Variants in AKAIN1 observed in about 807,000 individuals in gnomAD.
The protein encoded by AKAIN1 is A-kinase anchor inhibitor 1.
AKAIN1 carries 3 observed loss-of-function variants against 3.7 expected under a neutral mutation model. The observed-to-expected ratio is 0.82, with a 90% confidence interval of 0.37 to 2.12. The LOEUF (loss-of-function observed/expected upper bound fraction) is 2.12, where lower values mean the gene tolerates loss of function less well. Among genes scored for constraint, AKAIN1 ranks in the 30% most tolerant of loss-of-function variants. AKAIN1 has a pLI of 0.06. For missense variants in AKAIN1, 82 were observed against 82.7 expected (o/e 0.99, Z 0.03); for synonymous variants, 31 against 30.8 (o/e 1.01, Z -0.02).
intron 1 of AKAIN1, among the ~76,000 whole-genome samples, chr18:5,178,869 G>A (rs2071241145): frequency 6.6e-6 from 1 of 152,106 alleles, no homozygotes; most frequent in Non-Finnish European, 1.5e-5. Context: ...GATAGTAATG[G>A]GGTGAGCTGG....
At chr18:5,154,970 A>G (rs541902516) in intron 1 of AKAIN1, among the ~76,000 whole-genome samples, 1 of 152,176 alleles carries the variant, frequency 6.6e-6, no homozygotes, top group Non-Finnish European at 1.5e-5. Flanking sequence ...TATTTTTTGT[A>G]GAGATAGTGT....
Position 5,145,251 on chromosome 18 carries a change from T to C in AKAIN1, c.*311A>G. ...GGAACGCATAAAAGGCAGAAGTAAATAAACGAGACATAGAATTCTTTTTTT... is the reference window on the plus strand; with the variant it reads ...GGAACGCATAAAAGGCAGAAGTAAACAAACGAGACATAGAATTCTTTTTTT... On this transcript the variant is annotated 3_prime_UTR_variant, in exon 2 of 2. Transcript: ENST00000434239. 1 of 230,122 alleles carries C rather than the reference T, an allele frequency of 4.3e-6. No homozygotes were observed. Among genetic ancestry groups the C allele is most frequent in the South Asian group, 1.1e-4 (1 of 8,784 alleles). The allele number at this position is 230,122 out of a possible 1,614,324, so 14.3% of individuals were successfully genotyped here. A position where few individuals can be genotyped will look rare whatever the true frequency, so the allele number is the denominator to read the frequency against.
At chr18:5,159,047 C>CTT (rs570120975) in intron 1 of AKAIN1, among the ~76,000 whole-genome samples, 1 of 149,024 alleles carries the variant, frequency 6.7e-6, no homozygotes, top group Non-Finnish European at 1.5e-5. Context: ...TTTATTATAT[C>CTT]TTTTTTTTTT....
chr18:5,179,871 T>G (rs1309090023), intron 1 of AKAIN1, among the ~76,000 whole-genome samples: 2 of 152,166 alleles, frequency 1.3e-5, no homozygotes, highest in Non-Finnish European at 2.9e-5. Flanking sequence ...ATAAGGTATA[T>G]TTACGTACCT....
intron 1 of AKAIN1, among the ~76,000 whole-genome samples, chr18:5,166,434 C>T (rs1382322298): frequency 6.6e-6 from 1 of 151,960 alleles, no homozygotes; most frequent in Admixed American, 6.6e-5. Context: ...TTTTATCCCT[C>T]TCCCATATAG....
At position 5,160,870 on chromosome 18, in the gene AKAIN1, G is replaced by C. The variant is rs190816439; in HGVS notation, c.17-15115C>G. 2.5e-3 allele frequency among the ~76,000 whole-genome samples: 372 copies of C among 150,698 alleles called. 3 individuals are homozygous for C. The highest frequency in any genetic ancestry group is 8.6e-3 in the African/African-American group (356 of 41,394). On this transcript the variant is annotated intron_variant, in intron 1 of 1. Transcript: ENST00000434239. Reference sequence around the variant, plus strand: ...TTATAAACCAAGTATCCATATATGTGGTGGGCTGTTTTTAAATTATTTATT... The same window carrying C: ...TTATAAACCAAGTATCCATATATGTCGTGGGCTGTTTTTAAATTATTTATT...
chr18:5,168,917 A>C (rs1046374941), intron 1 of AKAIN1, among the ~76,000 whole-genome samples: 1 of 151,458 alleles, frequency 6.6e-6, no homozygotes, highest in Non-Finnish European at 1.5e-5. Flanking sequence ...GGGATGGGGG[A>C]GCTACATAAG....
chr18:5,196,748 C>G (rs566868280), intron 1 of AKAIN1, among the ~76,000 whole-genome samples: 1 of 152,098 alleles, frequency 6.6e-6, no homozygotes, highest in Non-Finnish European at 1.5e-5. Flanking sequence ...GCGAAAGTCC[C>G]AGTTCTTAAG....
At chr18:5,161,621 T>C in intron 1 of AKAIN1, among the ~76,000 whole-genome samples, 1 of 152,124 alleles carries the variant, frequency 6.6e-6, no homozygotes, top group East Asian at 1.9e-4. Context: ...GAGGAAAAGA[T>C]TTTGCTATCC....
chr18:5,195,020 C>G (rs1261173614), intron 1 of AKAIN1, among the ~76,000 whole-genome samples: 1 of 152,134 alleles, frequency 6.6e-6, no homozygotes, highest in Non-Finnish European at 1.5e-5. Context: ...ATACACATCA[C>G]TATACGAATT....
chr18:5,184,023 C>CA (rs1391559458), intron 1 of AKAIN1, among the ~76,000 whole-genome samples: 2 of 151,908 alleles, frequency 1.3e-5, no homozygotes, highest in African/African-American at 4.8e-5. Context: ...AAATCACTAA[C>CA]AAAAAACACC....
At chr18:5,179,490 T>G (rs2071245121) in intron 1 of AKAIN1, among the ~76,000 whole-genome samples, 1 of 152,142 alleles carries the variant, frequency 6.6e-6, no homozygotes, top group Non-Finnish European at 1.5e-5. Context: ...CTTAGGTTGA[T>G]TCCATATCTT....
intron 1 of AKAIN1, among the ~76,000 whole-genome samples, chr18:5,153,112 G>A (rs1282841934): frequency 6.6e-6 from 1 of 152,186 alleles, no homozygotes; most frequent in Non-Finnish European, 1.5e-5. Flanking sequence ...CAGACAAGCG[G>A]CTGGTTGACT....
chr18:5,168,200 C>T (rs57276425), intron 1 of AKAIN1, among the ~76,000 whole-genome samples: 4,851 of 152,188 alleles, frequency 0.032, 244 homozygotes, highest in African/African-American at 0.11. Context: ...CCAAGCAGCA[C>T]TGGGTGAAGT....
At chr18:5,173,269 C>T (rs908947836) in intron 1 of AKAIN1, among the ~76,000 whole-genome samples, 1 of 152,084 alleles carries the variant, frequency 6.6e-6, no homozygotes, top group Non-Finnish European at 1.5e-5. Flanking sequence ...AATCATGGGC[C>T]ATTATTGGTG....
intron 1 of AKAIN1, among the ~76,000 whole-genome samples, chr18:5,159,098 T>G (rs974901444): frequency 6.6e-6 from 1 of 152,060 alleles, no homozygotes; most frequent in African/African-American, 2.4e-5. Flanking sequence ...TTTACTGTGT[T>G]GGGGTTAATC....
chr18:5,180,857 C>A (rs2071253755), intron 1 of AKAIN1, among the ~76,000 whole-genome samples: 1 of 152,048 alleles, frequency 6.6e-6, no homozygotes, highest in Non-Finnish European at 1.5e-5. Flanking sequence ...TGTCAGGCAA[C>A]ACAAGATGTG....
At chr18:5,173,082 C>T (rs1043530002) in intron 1 of AKAIN1, among the ~76,000 whole-genome samples, 2 of 152,026 alleles carry the variant, frequency 1.3e-5, no homozygotes, top group African/African-American at 4.8e-5. Flanking sequence ...AAATAAAGAG[C>T]TTAATAAATG....
chr18:5,169,195 T>C (rs1046866935), intron 1 of AKAIN1, among the ~76,000 whole-genome samples: 2 of 152,096 alleles, frequency 1.3e-5, no homozygotes, highest in Non-Finnish European at 2.9e-5. Flanking sequence ...ACCTCGGTCT[T>C]TGCTCTTACA....
Sources: gnomAD v4.1 joint callset for allele counts (sites outside exome capture counted in the v4.1 genomes callset) on GRCh38, gnomAD v4.1.1 for gene constraint, MANE v1.5 for transcripts, NCBI Gene and HGNC (gene_info 2026-07-23, HGNC 2026-07-21) for gene names.